The following ACYP2 variants were observed in gnomAD, a reference collection of about 807,000 sequenced individuals.
ACYP2 encodes the protein acylphosphatase 2, also known as acylphosphatase-2.
Under a neutral mutation model 11.2 loss-of-function variants are expected in ACYP2, and 12 were observed. That is an observed-to-expected ratio of 1.08 (90% CI 0.69 to 1.74). ACYP2 has a LOEUF of 1.74. Among genes scored for constraint, ACYP2 ranks in the 40% most tolerant of loss-of-function variants. The probability of loss-of-function intolerance (pLI) is 0.00; values close to 1 mark genes in which losing one functional copy is unlikely to be tolerated. For missense variants in ACYP2, 134 were observed against 101.9 expected, an observed-to-expected ratio of 1.31 and a Z score of -1.35; for synonymous variants, 43 against 32.2, an observed-to-expected ratio of 1.33 and a Z score of -1.13.
chr2:54,229,001 C>G (rs1465742093), intron 6 of ACYP2, among the ~76,000 whole-genome samples: 1 of 152,142 alleles, frequency 6.6e-6, no homozygotes, highest in Non-Finnish European at 1.5e-5. Context: ...CTACTGAGGG[C>G]TGAAGTTGGC....
chr2:54,270,630 A>T lies in ACYP2; in HGVS notation c.405-34058A>T, dbSNP rs953042943. On this transcript the variant is annotated intron_variant, in intron 6 of 6. Coordinates refer to ENST00000607452, the MANE Select transcript of ACYP2 (RefSeq NM_001320586.2). ...CAAAATTTTAAAAATAAAGATAAAA[A>T]ATAAAAATGAATACAATGAATAAAA... Among the ~76,000 whole-genome samples, 434 of 152,322 alleles carry T rather than the reference A, an allele frequency of 2.8e-3. 3 individuals are homozygous for T. The highest frequency in any genetic ancestry group is 9.8e-3 in the African/African-American group (409 of 41,570).
chr2:54,226,425 GA>G (rs1469838907), intron 6 of ACYP2, among the ~76,000 whole-genome samples: 60 of 152,144 alleles, frequency 3.9e-4, no homozygotes, highest in Admixed American at 3.9e-3. Context: ...GAAAGACAAA[GA>G]ATTTACAGTA....
chr2:54,191,766 A>C (rs1333206818), intron 6 of ACYP2, among the ~76,000 whole-genome samples: 1 of 152,104 alleles, frequency 6.6e-6, no homozygotes, highest in Non-Finnish European at 1.5e-5. Flanking sequence ...ATTTGTTTGA[A>C]TACCCTCCCT....
At chr2:54,016,613 T>C (rs947032778) in intron 2 of ACYP2, among the ~76,000 whole-genome samples, 6 of 152,226 alleles carry the variant, frequency 3.9e-5, no homozygotes, top group Non-Finnish European at 7.3e-5. Context: ...CTTAGTCTGT[T>C]TGTGCTGCTA....
At chr2:53,977,805 A>G (rs764604994) in intron 2 of ACYP2, among the ~76,000 whole-genome samples, 1 of 150,886 alleles carries the variant, frequency 6.6e-6, no homozygotes, top group African/African-American at 2.4e-5. Context: ...AATTTGATTC[A>G]GTCACCTCAC....
intron 6 of ACYP2, among the ~76,000 whole-genome samples, chr2:54,203,047 T>C (rs1452202929): frequency 1.3e-5 from 2 of 152,154 alleles, no homozygotes; most frequent in African/African-American, 4.8e-5. Flanking sequence ...ACACTATAGA[T>C]CAACTTTGGG....
chr2:54,095,622 C>G (rs1315736944), intron 4 of ACYP2, among the ~76,000 whole-genome samples: 1 of 146,058 alleles, frequency 6.8e-6, no homozygotes, highest in Non-Finnish European at 1.5e-5. Context: ...CTGACCCCCC[C>G]ACCTCCCTCC....
chr2:54,097,273 A>C (rs1460214259), intron 4 of ACYP2, among the ~76,000 whole-genome samples: 1 of 152,148 alleles, frequency 6.6e-6, no homozygotes, highest in Non-Finnish European at 1.5e-5. Context: ...TACTATGTCT[A>C]TGGTTTGTTG....
At chr2:53,981,158 C>T (rs976189118) in intron 2 of ACYP2, among the ~76,000 whole-genome samples, 3 of 152,138 alleles carry the variant, frequency 2.0e-5, no homozygotes, top group Admixed American at 6.5e-5. Context: ...GTATTCAGTA[C>T]GGACATGCTG....
chr2:54,189,335 C>A (rs975912134), intron 6 of ACYP2, among the ~76,000 whole-genome samples: 8 of 152,300 alleles, frequency 5.3e-5, no homozygotes, highest in African/African-American at 1.9e-4. Flanking sequence ...CTCCCCCTCA[C>A]CCTCCACCTA....
chr2:54,123,359 G>A (rs966735205), intron 4 of ACYP2: 1 of 398,540 alleles, frequency 2.5e-6, no homozygotes. Context: ...AGTCAGGGAG[G>A]TTGTACGGTA....
intron 2 of ACYP2, among the ~76,000 whole-genome samples, chr2:53,982,920 G>A (rs968639712): frequency 1.3e-5 from 2 of 151,376 alleles, no homozygotes; most frequent in Admixed American, 1.3e-4. Context: ...TGCTGGAAAT[G>A]TGAACAACCT....
intron 6 of ACYP2, among the ~76,000 whole-genome samples, chr2:54,197,018 G>C (rs1186800606): frequency 6.6e-6 from 1 of 152,190 alleles, no homozygotes; most frequent in African/African-American, 2.4e-5. Flanking sequence ...ACAGCACTGT[G>C]TTAGGAGAAG....
intron 6 of ACYP2, among the ~76,000 whole-genome samples, chr2:54,145,960 G>C (rs944271185): frequency 3.9e-5 from 6 of 152,184 alleles, no homozygotes; most frequent in Non-Finnish European, 7.3e-5. Context: ...TTCCTGTAGA[G>C]CAGGCTCCTG....
intron 6 of ACYP2, among the ~76,000 whole-genome samples, chr2:54,147,774 C>T (rs1001725702): frequency 3.3e-5 from 5 of 152,130 alleles, no homozygotes; most frequent in Admixed American, 2.6e-4. Context: ...ATCCTTCTGC[C>T]TCGGCTTCCC....
chr2:54,044,988 A>G (rs1675436236), intron 2 of ACYP2, among the ~76,000 whole-genome samples: 2 of 152,328 alleles, frequency 1.3e-5, no homozygotes, highest in East Asian at 1.9e-4. Flanking sequence ...TGCCTGTTGT[A>G]TTAGAATTTC....
intron 2 of ACYP2, among the ~76,000 whole-genome samples, chr2:53,989,380 A>C (rs574491347): frequency 6.8e-6 from 1 of 148,046 alleles, no homozygotes; most frequent in Non-Finnish European, 1.5e-5. Flanking sequence ...ATGAGCCACC[A>C]TGCCCTGCCT....
intron 2 of ACYP2, among the ~76,000 whole-genome samples, chr2:53,991,776 T>TA (rs1483740234): frequency 1.6e-4 from 25 of 152,108 alleles, no homozygotes; most frequent in African/African-American, 5.8e-4. Flanking sequence ...CTCAATTTTT[T>TA]TTAAGTTTTT....
intron 6 of ACYP2, among the ~76,000 whole-genome samples, chr2:54,216,286 T>TTGATGTC (rs967786195): frequency 6.6e-6 from 1 of 152,188 alleles, no homozygotes; most frequent in Non-Finnish European, 1.5e-5. Flanking sequence ...TATGCTTCAG[T>TTGATGTC]TGATGTCTGG....
Sources: allele counts gnomAD v4.1 joint callset (sites outside exome capture counted in the v4.1 genomes callset), GRCh38; gene constraint gnomAD v4.1.1; transcripts MANE v1.5; gene names NCBI Gene and HGNC (gene_info 2026-07-23, HGNC 2026-07-21).